Variants in PCDHGA10 observed in about 807,000 individuals in gnomAD.
The protein encoded by PCDHGA10 is protocadherin gamma subfamily A, 10.
A neutral mutation model predicts 59.5 loss-of-function variants in PCDHGA10; 42 were observed. The ratio of observed to expected loss-of-function variants is 0.71; its 90% confidence interval spans 0.55 to 0.91. The LOEUF (loss-of-function observed/expected upper bound fraction) is 0.91, where lower values mean the gene tolerates loss of function less well. Among genes scored for constraint, PCDHGA10 ranks in the 40% least tolerant of loss-of-function variants. The pLI, the probability that PCDHGA10 is intolerant of heterozygous loss-of-function variation, is 0.00. For synonymous variants in PCDHGA10, 511 were observed against 517.2 expected (o/e 0.99, Z 0.16); for missense variants, 1,111 against 1,198.2 (o/e 0.93, Z 1.07).
At chr5:141,482,048 G>T (rs375214441) in intron 1 of PCDHGA10, among the ~76,000 whole-genome samples, 12 of 150,156 alleles carry the variant, frequency 8.0e-5, no homozygotes, top group Middle Eastern at 6.9e-3. Flanking sequence ...TCATGCTGTT[G>T]CATTCCAGCC....
In PCDHGA10 at chr5:141,431,710, G is replaced by A. The variant is rs1249423969; in HGVS notation, c.2436+16099G>A. On this transcript the variant is annotated intron_variant, in intron 1 of 3. Coordinates refer to ENST00000398610, the MANE Select transcript of PCDHGA10 (RefSeq NM_018913.3). The surrounding 1 kb of genome is among the most constrained non-coding windows in gnomAD (Gnocchi z 4.8). ...ACGAGGAGTCAGGATTCTACCAGAT[G>A]GAAGTGCAAGCAATGGATAATGCAG... is the stretch of plus-strand genomic sequence containing the variant. 3.1e-6 allele frequency: 5 copies of A among 1,614,116 alleles called. No individual in the cohort carries two copies. Among genetic ancestry groups the A allele is most frequent in the South Asian group, 1.1e-5 (1 of 91,088 alleles).
At position 141,427,408 on chromosome 5, in the gene PCDHGA10, G is replaced by C. The variant is rs975709597; in HGVS notation, c.2436+11797G>C. ...TTCAAAACACATGATAAAGATTCGA[G>C]AGAAAATGGGGAGGTTACATGCCTC... On this transcript the variant is annotated intron_variant, in intron 1 of 3. Coordinates refer to ENST00000398610, the MANE Select transcript of PCDHGA10 (RefSeq NM_018913.3). The C allele has an allele frequency of 1.3e-5, 6 of 463,300 alleles. No homozygotes were observed. In the Admixed American group the frequency reaches 1.4e-4, roughly 11 times the overall value. The allele number at this position is 463,300 out of a possible 1,614,324, so 28.7% of individuals were successfully genotyped here. A position where few individuals can be genotyped will look rare whatever the true frequency, so the allele number is the denominator to read the frequency against.
chr5:141,478,271 A>G, intron 1 of PCDHGA10: 1 of 1,614,170 alleles, frequency 6.2e-7, no homozygotes, highest in Non-Finnish European at 8.5e-7. Flanking sequence ...CAAAGTTTAC[A>G]AGTGGAAGCA....
chr5:141,422,222 C>A (rs1453283842), intron 1 of PCDHGA10: 2 of 1,564,972 alleles, frequency 1.3e-6, no homozygotes, highest in South Asian at 1.2e-5. Flanking sequence ...TTTACCACCA[C>A]GACGATGTTG....
At chr5:141,449,282 G>A (rs1285842278) in intron 1 of PCDHGA10, among the ~76,000 whole-genome samples, 17 of 152,002 alleles carry the variant, frequency 1.1e-4, no homozygotes, top group Admixed American at 4.6e-4. Context: ...CCTTCACCCG[G>A]ATGCACCGGG....
rs759228883 is a variant in PCDHGA10 at position 141,414,000 on chromosome 5, A to T, written c.825A>T (p.Glu275Asp). The T allele has an allele frequency of 1.2e-6, 2 of 1,613,282 alleles. No individual in the cohort carries two copies. Among genetic ancestry groups the T allele is most frequent in the African/African-American group, 2.7e-5 (2 of 74,894 alleles). Residue 275 changes from glutamate (E) to aspartate (D), a missense_variant, in exon 1 of 4, where the codon GAA becomes GAT. By Grantham distance (45) the Glu-to-Asp change is conservative (BLOSUM62 2). Coordinates refer to ENST00000398610, the MANE Select transcript of PCDHGA10 (RefSeq NM_018913.3). ...LLTVTATDRDEGANGEVTYSF... is the reference protein window; with the variant it reads ...LLTVTATDRDDGANGEVTYSF... The stretch of plus-strand genomic sequence containing the variant: ...CAGTCACAGCCACCGACAGGGACGA[A>T]GGTGCCAATGGAGAAGTGACATATT...
At chr5:141,418,128 T>C (rs1386757111) in intron 1 of PCDHGA10, 1 of 1,614,090 alleles carries the variant, frequency 6.2e-7, no homozygotes, top group South Asian at 1.1e-5. Flanking sequence ...AAGGACCGAA[T>C]AGACCGTGAG....
intron 1 of PCDHGA10, among the ~76,000 whole-genome samples, chr5:141,452,094 G>A (rs760924457): frequency 6.6e-6 from 1 of 152,162 alleles, no homozygotes; most frequent in South Asian, 2.1e-4. Context: ...CAGTAAGAAA[G>A]AGCTTTCTTT....
chr5:141,439,487 G>A lies in PCDHGA10; in HGVS notation c.2436+23876G>A, dbSNP rs11952418. 8.3e-3 allele frequency among the ~76,000 whole-genome samples: 1,269 copies of A among 152,266 alleles called. 16 individuals are homozygous for A. Among genetic ancestry groups the A allele is most frequent in the African/African-American group, 0.029 (1,205 of 41,540 alleles). Reference sequence around the variant, plus strand: ...GCTGCCTTTCAGCTTGCAAATTCCAGTGAGAAACGTCTTTCTCTCTGCTCT... The same window carrying A: ...GCTGCCTTTCAGCTTGCAAATTCCAATGAGAAACGTCTTTCTCTCTGCTCT... On this transcript the variant is annotated intron_variant, in intron 1 of 3. Coordinates refer to ENST00000398610, the MANE Select transcript of PCDHGA10 (RefSeq NM_018913.3).
chr5:141,485,229 T>G lies in PCDHGA10; in HGVS notation c.2437-9578T>G, dbSNP rs2099609870. ...ATCTGGCGGTGGGCTACCCTTTTGT[T>G]CCTCTTTTACCACCTGGGTTACGTT... is the stretch of plus-strand genomic sequence containing the variant. On this transcript the variant is annotated intron_variant, in intron 1 of 3. Coordinates refer to ENST00000398610, the MANE Select transcript of PCDHGA10 (RefSeq NM_018913.3). The surrounding 1 kb of genome is among the most constrained non-coding windows in gnomAD (Gnocchi z 5.7). 6.2e-7 allele frequency: 1 copy of G among 1,614,042 alleles called. No individual in the cohort carries two copies. The highest frequency in any genetic ancestry group is 8.5e-7 in the Non-Finnish European group (1 of 1,180,030).
At chr5:141,418,882 C>T (rs945382775) in intron 1 of PCDHGA10, 8 of 1,613,960 alleles carry the variant, frequency 5.0e-6, no homozygotes, top group Admixed American at 1.7e-5. Flanking sequence ...TAGACGAAAA[C>T]GACAACAGCC....
At chr5:141,498,467 G>C (rs535351060) in intron 2 of PCDHGA10, among the ~76,000 whole-genome samples, 1 of 152,116 alleles carries the variant, frequency 6.6e-6, no homozygotes, top group East Asian at 1.9e-4. Context: ...GTCTAACCCT[G>C]GTTCCAGCCT....
At position 141,414,421 on chromosome 5, in the gene PCDHGA10, A is replaced by C. The variant is rs1250470349; in HGVS notation, c.1246A>C (p.Arg416=). 1 of 1,613,894 alleles carries C rather than the reference A, an allele frequency of 6.2e-7. No homozygotes were observed. Among genetic ancestry groups the C allele is most frequent in the East Asian group, 2.2e-5 (1 of 44,880 alleles). ...YRLVIHRALD[R]EQVSSYNITV... ...ATTGGTGATACACAGAGCCCTTGAC[A>C]GGGAACAGGTATCCTCTTACAATAT... The change falls in exon 1 of 4, where the codon AGG becomes CGG. Residue 416 remains arginine (R), a synonymous_variant. Coordinates refer to ENST00000398610, the MANE Select transcript of PCDHGA10 (RefSeq NM_018913.3).
At position 141,414,802 on chromosome 5, in the gene PCDHGA10, G is replaced by C. The variant is rs201378410; in HGVS notation, c.1627G>C (p.Asp543His). 3 of 1,614,108 alleles carry C rather than the reference G, an allele frequency of 1.9e-6. No individual in the cohort carries two copies. The highest frequency in any genetic ancestry group is 3.3e-5 in the Admixed American group (2 of 60,004). ...QMQVTASDSG[D>H]PPLSSNVSLS... Reference sequence around the variant, plus strand: ...GCAGGTGACAGCCAGCGACAGCGGGGATCCTCCACTCAGCAGCAACGTGTC... The same window carrying C: ...GCAGGTGACAGCCAGCGACAGCGGGCATCCTCCACTCAGCAGCAACGTGTC... The change falls in exon 1 of 4, where the codon GAT becomes CAT. Residue 543 changes from aspartate to histidine, a missense_variant. Coordinates refer to ENST00000398610, the MANE Select transcript of PCDHGA10 (RefSeq NM_018913.3).
In PCDHGA10 at chr5:141,414,088, A is replaced by G; in HGVS notation, c.913A>G (p.Ile305Val). 3 of 1,599,384 alleles carry G rather than the reference A, an allele frequency of 1.9e-6. No individual in the cohort carries two copies. Among genetic ancestry groups the G allele is most frequent in the Non-Finnish European group, 8.5e-7 (1 of 1,172,706 alleles). ...CCAACTAAACAAATATACTGGAGAA[A>G]TAAAAATATCAGAAAATCTAGATTA... ...KFQLNKYTGE[I>V]KISENLDYEE... Residue 305 changes from isoleucine to valine, a missense_variant, in exon 1 of 4, where the codon ATA (isoleucine) becomes GTA (valine). Transcript: ENST00000398610.
Position 141,432,488 on chromosome 5 carries a change from C to G in PCDHGA10, c.2436+16877C>G. 6.2e-7 allele frequency: 1 copy of G among 1,614,202 alleles called. No homozygotes were observed. Among genetic ancestry groups the G allele is most frequent in the Non-Finnish European group, 8.5e-7 (1 of 1,180,048 alleles). On this transcript the variant is annotated intron_variant, in intron 1 of 3. Coordinates refer to ENST00000398610, the MANE Select transcript of PCDHGA10 (RefSeq NM_018913.3). This position sits in a 1 kb window ranked among gnomAD's most constrained non-coding sequence, Gnocchi z 6.0. ...CACGGACGGTTCCACTGGCGTGGAGCTGGCTCCCCGCTCCGCAGAGCCCGG... is the reference window on the plus strand; with the variant it reads ...CACGGACGGTTCCACTGGCGTGGAGGTGGCTCCCCGCTCCGCAGAGCCCGG...
intron 1 of PCDHGA10, chr5:141,417,798 C>G (rs2096163233): frequency 6.7e-7 from 1 of 1,486,352 alleles, no homozygotes; most frequent in African/African-American, 1.4e-5. Flanking sequence ...GCTCTTTTAG[C>G]GCGGTAGAGT....
chr5:141,483,946 T>C (rs374723616), intron 1 of PCDHGA10, among the ~76,000 whole-genome samples: 127 of 148,696 alleles, frequency 8.5e-4, no homozygotes, highest in Non-Finnish European at 1.5e-3. Flanking sequence ...ACGGTGTGAA[T>C]TGTGTTGTGT....
chr5:141,465,761 G>A (rs1040750106), intron 1 of PCDHGA10, among the ~76,000 whole-genome samples: 2 of 151,634 alleles, frequency 1.3e-5, no homozygotes, highest in African/African-American at 4.8e-5. Flanking sequence ...GTAAAGTCAT[G>A]TTTCATCTCT....
Sources: gnomAD v4.1 joint callset for allele counts (sites outside exome capture counted in the v4.1 genomes callset) on GRCh38, gnomAD v4.1.1 for gene constraint, Gnocchi (gnomAD v3.1) non-coding constraint, MANE v1.5 for transcripts, NCBI Gene and HGNC (gene_info 2026-07-23, HGNC 2026-07-21) for gene names.